Variants in DLG2 observed in about 807,000 individuals in gnomAD.
DLG2 encodes the protein disks large homolog 2.
In DLG2, 45 loss-of-function variants were observed where a neutral mutation model predicts 132.5. That is an observed-to-expected ratio of 0.34 (90% CI 0.27 to 0.44). The LOEUF is 0.44. DLG2 is among the 20% of genes least tolerant of loss of function. DLG2 has a pLI of 1.00. For synonymous variants in DLG2, 424 were observed against 419.6 expected (o/e 1.01, Z -0.13); for missense variants, 1,045 against 1,196.9 (o/e 0.87, Z 1.87).
chr11:84,264,144 T>C (rs2097582374), intron 7 of DLG2, among the ~76,000 whole-genome samples: 1 of 151,944 alleles, frequency 6.6e-6, no homozygotes, highest in Admixed American at 6.6e-5. Context: ...AACATAGAGG[T>C]TCACTAAATA....
intron 6 of DLG2, among the ~76,000 whole-genome samples, chr11:84,920,974 T>C (rs951625912): frequency 1.3e-5 from 2 of 152,188 alleles, no homozygotes; most frequent in Non-Finnish European, 1.5e-5. Flanking sequence ...ACAAGAATCA[T>C]GTTAAATCAT....
chr11:85,228,065 C>T (rs1381787685), intron 4 of DLG2, among the ~76,000 whole-genome samples: 1 of 151,896 alleles, frequency 6.6e-6, no homozygotes, highest in Non-Finnish European at 1.5e-5. Flanking sequence ...ATTTTTTTCT[C>T]TTACATGTAT....
chr11:85,412,892 T>A (rs2089473768), intron 3 of DLG2, among the ~76,000 whole-genome samples: 1 of 151,672 alleles, frequency 6.6e-6, no homozygotes, highest in African/African-American at 2.4e-5. Flanking sequence ...AATATCTTTT[T>A]CGTATAATGA....
intron 10 of DLG2, among the ~76,000 whole-genome samples, chr11:84,072,439 A>G (rs1307541049): frequency 6.6e-6 from 1 of 152,226 alleles, no homozygotes; most frequent in Non-Finnish European, 1.5e-5. Flanking sequence ...TTAAAATTCA[A>G]TATAAGTGCT....
At chr11:83,658,840 G>A (rs1334166093) in intron 18 of DLG2, among the ~76,000 whole-genome samples, 4 of 152,170 alleles carry the variant, frequency 2.6e-5, no homozygotes, top group Admixed American at 1.3e-4. Context: ...AATGTACCAG[G>A]AGCTATACTG....
At chr11:83,463,122 G>A (rs1234649028) in intron 26 of DLG2, among the ~76,000 whole-genome samples, 1 of 152,198 alleles carries the variant, frequency 6.6e-6, no homozygotes, top group African/African-American at 2.4e-5. Flanking sequence ...GAGGCAAGAA[G>A]GGATGTGCTT....
chr11:84,587,127 TTGTC>T (rs1323721124), intron 6 of DLG2, among the ~76,000 whole-genome samples: 1 of 152,218 alleles, frequency 6.6e-6, no homozygotes, highest in Non-Finnish European at 1.5e-5. Flanking sequence ...TGACAACTTT[TTGTC>T]TGTGCAATTT....
At chr11:84,884,120 CA>C (rs1460791779) in intron 6 of DLG2, among the ~76,000 whole-genome samples, 1 of 152,036 alleles carries the variant, frequency 6.6e-6, no homozygotes, top group African/African-American at 2.4e-5. Context: ...CACCCAAAGT[CA>C]AAACACAAAT....
intron 21 of DLG2, among the ~76,000 whole-genome samples, chr11:83,523,079 G>A (rs1304779517): frequency 6.6e-6 from 1 of 152,118 alleles, no homozygotes; most frequent in East Asian, 1.9e-4. Context: ...CAGTGTTGAT[G>A]TTTTAGCTTT....
intron 7 of DLG2, among the ~76,000 whole-genome samples, chr11:84,325,619 G>A (rs559953620): frequency 6.6e-6 from 1 of 152,198 alleles, no homozygotes; most frequent in South Asian, 2.1e-4. Context: ...CATGGTATAT[G>A]ATCTTTTCAA....
At chr11:84,544,743 C>G (rs781411424) in intron 6 of DLG2, among the ~76,000 whole-genome samples, 1 of 152,080 alleles carries the variant, frequency 6.6e-6, no homozygotes, top group Non-Finnish European at 1.5e-5. Flanking sequence ...ATGCTGTACT[C>G]CTGGCATACA....
At chr11:84,536,937 C>G (rs188540142) in intron 6 of DLG2, among the ~76,000 whole-genome samples, 2 of 152,228 alleles carry the variant, frequency 1.3e-5, no homozygotes, top group Admixed American at 6.5e-5. Context: ...TGGGGTTGCC[C>G]GTTTCCCATA....
At chr11:84,969,965 G>A (rs187538926) in intron 6 of DLG2, among the ~76,000 whole-genome samples, 13 of 152,150 alleles carry the variant, frequency 8.5e-5, no homozygotes, top group African/African-American at 2.6e-4. Context: ...GGAGTTGAAC[G>A]ATGAGAACGC....
chr11:84,131,865 T>A (rs2094436106), intron 9 of DLG2, among the ~76,000 whole-genome samples: 1 of 152,016 alleles, frequency 6.6e-6, no homozygotes, highest in Admixed American at 6.6e-5. Flanking sequence ...TAAATTGACA[T>A]ATAAAACTGG....
intron 6 of DLG2, among the ~76,000 whole-genome samples, chr11:84,879,474 G>A (rs17147680): frequency 0.026 from 3,906 of 152,196 alleles, 190 homozygotes; most frequent in African/African-American, 0.09. Flanking sequence ...GTGGTTAGCA[G>A]GGACACTTGG....
chr11:83,581,782 T>C (rs1309680450), intron 19 of DLG2, among the ~76,000 whole-genome samples: 6 of 152,142 alleles, frequency 3.9e-5, no homozygotes, highest in Non-Finnish European at 2.9e-5. Context: ...ATACCTACTG[T>C]TTCTTTTCAA....
intron 3 of DLG2, among the ~76,000 whole-genome samples, chr11:85,335,230 C>T (rs2082043230): frequency 7.5e-6 from 1 of 133,612 alleles, no homozygotes; most frequent in South Asian, 2.5e-4. Context: ...TGTGAAATAA[C>T]AGCATCTCTG....
At chr11:83,633,348 C>T in intron 18 of DLG2, 23 bp from the exon 19 acceptor site, 1 of 1,602,786 alleles carries the variant, frequency 6.2e-7, no homozygotes, top group African/African-American at 1.3e-5. Context: ...ACAAAGGTAG[C>T]AAATTTTGCT....
At chr11:84,055,096 C>T (rs1271984422) in intron 11 of DLG2, among the ~76,000 whole-genome samples, 3 of 151,950 alleles carry the variant, frequency 2.0e-5, no homozygotes, top group Non-Finnish European at 2.9e-5. Context: ...GACAGACCTT[C>T]TCCAGTTCTG....
Sources: gnomAD v4.1 joint callset for allele counts (sites outside exome capture counted in the v4.1 genomes callset) on GRCh38, gnomAD v4.1.1 for gene constraint, MANE v1.5 for transcripts, NCBI Gene and HGNC (gene_info 2026-07-23, HGNC 2026-07-21) for gene names.